EXOC1: variants seen among roughly 807,000 people sequenced by gnomAD.
The protein encoded by EXOC1 is exocyst complex component 1.
Under a neutral mutation model 107.7 loss-of-function variants are expected in EXOC1, and 67 were observed. The ratio of observed to expected loss-of-function variants is 0.62; its 90% CI spans 0.51 to 0.76. The LOEUF is 0.76. EXOC1 is among the 30% of genes least tolerant of loss of function. The pLI, the probability that EXOC1 is intolerant of heterozygous loss-of-function variation, is 0.00. For missense variants in EXOC1, 833 were observed against 1,055.7 expected, an observed-to-expected ratio of 0.79 and a Z score of 2.92; for synonymous variants, 348 against 353.5, an observed-to-expected ratio of 0.98 and a Z score of 0.17.
In EXOC1 at chr4:55,888,885, C is replaced by T. The variant is rs1724186853; in HGVS notation, c.1331-3C>T. ...TTGATGCTTGCAACCTAATCCATCA[C>T]AGCTACACTGCCTCGAAAAGAAAGT... is the stretch of plus-strand genomic sequence containing the variant. On this transcript the variant is annotated splice_polypyrimidine_tract_variant and splice_region_variant and intron_variant, in intron 10 of 18. Transcript: ENST00000381295. 2 of 1,613,524 alleles carry T rather than the reference C, an allele frequency of 1.2e-6. No homozygotes were observed. Among genetic ancestry groups the T allele is most frequent in the Non-Finnish European group, 1.7e-6 (2 of 1,179,728 alleles).
At chr4:55,888,835 G>T (rs1724181806) in intron 10 of EXOC1, 53 bp from the exon 11 acceptor site, 3 of 1,589,796 alleles carry the variant, frequency 1.9e-6, no homozygotes, top group Non-Finnish European at 2.6e-6. Context: ...TGTGCAAATT[G>T]CAGTTTATTA....
chr4:55,857,174 T>TC, intron 1 of EXOC1, among the ~76,000 whole-genome samples: 1 of 111,476 alleles, frequency 9.0e-6, no homozygotes, highest in Non-Finnish European at 1.8e-5. Context: ...TTTTCTTTTT[T>TC]TTTTTTTTTT....
intron 2 of EXOC1, 80 bp from the exon 3 acceptor site, chr4:55,860,331 A>G (rs952443155): frequency 1.3e-6 from 2 of 1,568,130 alleles, no homozygotes; most frequent in Non-Finnish European, 1.7e-6. Context: ...AGGCACCTGA[A>G]AGCTATACTT....
At chr4:55,861,130 T>C (rs1038858468) in intron 3 of EXOC1, among the ~76,000 whole-genome samples, 1 of 152,160 alleles carries the variant, frequency 6.6e-6, no homozygotes, top group Non-Finnish European at 1.5e-5. Flanking sequence ...TCCTGACAGT[T>C]CAAAGCTTTC....
At chr4:55,888,248 C>A (rs955776891) in intron 10 of EXOC1, among the ~76,000 whole-genome samples, 1 of 152,106 alleles carries the variant, frequency 6.6e-6, no homozygotes, top group African/African-American at 2.4e-5. Context: ...TACATCTGTT[C>A]CCTAAACTTT....
At chr4:55,877,168 A>C (rs1722975850) in intron 8 of EXOC1, 1 of 979,528 alleles carries the variant, frequency 1.0e-6, no homozygotes, top group African/African-American at 1.7e-5. Context: ...TGTACCAACT[A>C]GTATGATACA....
intron 1 of EXOC1, among the ~76,000 whole-genome samples, chr4:55,856,170 A>G (rs1577681756): frequency 6.6e-6 from 1 of 152,252 alleles, no homozygotes; most frequent in Non-Finnish European, 1.5e-5. Context: ...AATGCACGCA[A>G]TGAGCGTGGA....
intron 1 of EXOC1, among the ~76,000 whole-genome samples, chr4:55,855,646 C>T (rs1046742686): frequency 2.0e-5 from 3 of 151,990 alleles, no homozygotes; most frequent in African/African-American, 7.3e-5. Context: ...TTGCGTGGGG[C>T]GGCTGCAGGG....
chr4:55,902,043 G>A (rs1052574997), intron 17 of EXOC1: 2 of 180,384 alleles, frequency 1.1e-5, no homozygotes, highest in Non-Finnish European at 2.3e-5. Flanking sequence ...TTCAGTCATT[G>A]TGTGAAATAT....
chr4:55,868,329 C>T lies in EXOC1; in HGVS notation c.416-7C>T. On this transcript the variant is annotated splice_polypyrimidine_tract_variant and splice_region_variant and intron_variant, in intron 4 of 18. Coordinates refer to ENST00000381295, the MANE Select transcript of EXOC1 (RefSeq NM_001024924.2). ...ACTATTTTACTTTGAATTTTTACCT[C>T]TTTAAGAATCTGTTCCAAGTGGAGA... 6.2e-7 allele frequency: 1 copy of T among 1,602,046 alleles called. No homozygotes were observed. Among genetic ancestry groups the T allele is most frequent in the South Asian group, 1.1e-5 (1 of 89,822 alleles).
At position 55,893,551 on chromosome 4, in the gene EXOC1, GGAAAGATATGATCCGCCA is replaced by G; in HGVS notation, c.1725_1742del (p.Lys576_Gln581del). On this transcript the variant is annotated inframe_deletion and splice_region_variant, in exon 15 of 19. Transcript: ENST00000381295. The stretch of plus-strand genomic sequence containing the variant: ...ATACTTCTTGTCTGTTTTCTGAACA[GGAAAGATATGATCCGCCA>G]AATGATGATTAAAATATTTCGCTGC... The G allele has an allele frequency of 6.2e-7, 1 of 1,612,066 alleles. No homozygotes were observed. The highest frequency in any genetic ancestry group is 8.5e-7 in the Non-Finnish European group (1 of 1,179,666).
In EXOC1 at chr4:55,896,762, A is replaced by C. The variant is rs1478114827; in HGVS notation, c.1999A>C (p.Ser667Arg). 6.2e-7 allele frequency: 1 copy of C among 1,610,476 alleles called. No individual in the cohort carries two copies. Among genetic ancestry groups the C allele is most frequent in the Non-Finnish European group, 8.5e-7 (1 of 1,179,138 alleles). Reference sequence around the variant, plus strand: ...GGAAGAAGTAAAGATCTCAAAAAAGAGTAAAGTTGGAATTCTTCCATTTGT... The same window carrying C: ...GGAAGAAGTAAAGATCTCAAAAAAGCGTAAAGTTGGAATTCTTCCATTTGT... The part of the protein sequence containing the change: ...QMEEVKISKK[S>R]KVGILPFVAE... The change falls in exon 16 of 19, where the codon AGT becomes CGT. Residue 667 changes from serine (S) to arginine (R), a missense_variant. This residue lies in a region of EXOC1 where 216 missense variants were observed against 354.4 expected (regional missense o/e 0.61). Transcript: ENST00000381295.
At chr4:55,899,654 T>A in intron 16 of EXOC1, 31 bp from the exon 17 acceptor site, 1 of 1,574,252 alleles carries the variant, frequency 6.4e-7, no homozygotes, top group Non-Finnish European at 8.7e-7. Context: ...TACTCAGAGA[T>A]GTTATTTTAT....
intron 2 of EXOC1, 101 bp from the exon 3 acceptor site, chr4:55,860,310 T>C: frequency 7.0e-7 from 1 of 1,435,900 alleles, no homozygotes; most frequent in Non-Finnish European, 9.5e-7. Flanking sequence ...CCTCTTTTAG[T>C]ATCAGCTACT....
chr4:55,894,097 G>A (rs1724903650), intron 15 of EXOC1, among the ~76,000 whole-genome samples: 1 of 152,050 alleles, frequency 6.6e-6, no homozygotes, highest in Non-Finnish European at 1.5e-5. Context: ...GGCCGAGGTG[G>A]GCAGATCACC....
rs1193209788 is a variant in EXOC1, at chr4:55,890,345, G to A, written c.1498G>A (p.Ala500Thr). The change falls in exon 12 of 19, where the codon GCC becomes ACC. Residue 500 changes from alanine to threonine, a missense_variant. Physicochemically the swap from Ala to Thr is moderately conservative, Grantham distance 58. Coordinates refer to ENST00000381295, the MANE Select transcript of EXOC1 (RefSeq NM_001024924.2). ...SSLLDMGNMS[A>T]SDLDVADRTK... ...CCTGTTGGATATGGGAAACATGTCTGCCTCTGATCTCGATGTTGCTGACAG... is the reference window on the plus strand; with the variant it reads ...CCTGTTGGATATGGGAAACATGTCTACCTCTGATCTCGATGTTGCTGACAG... 6.2e-7 allele frequency: 1 copy of A among 1,614,052 alleles called. No homozygotes were observed. Among genetic ancestry groups the A allele is most frequent in the Admixed American group, 1.7e-5 (1 of 60,010 alleles).
At chr4:55,860,899 A>G (rs979574773) in intron 3 of EXOC1, among the ~76,000 whole-genome samples, 2 of 151,546 alleles carry the variant, frequency 1.3e-5, no homozygotes, top group African/African-American at 4.9e-5. Context: ...ACATAGAATC[A>G]CCAGCTGGGG....
intron 2 of EXOC1, 27 bp downstream of exon 2, chr4:55,858,474 T>G: frequency 1.9e-6 from 3 of 1,551,482 alleles, no homozygotes; most frequent in Non-Finnish European, 2.6e-6. Flanking sequence ...AAAGAGTACT[T>G]GTTTTGTATC....
At chr4:55,886,247 A>G (rs565230225) in intron 10 of EXOC1, among the ~76,000 whole-genome samples, 2 of 152,200 alleles carry the variant, frequency 1.3e-5, no homozygotes, top group African/African-American at 4.8e-5. Context: ...TCAACGTGTA[A>G]TGGGTTTATC....
Sources: gnomAD v4.1 joint callset for allele counts (sites outside exome capture counted in the v4.1 genomes callset) on GRCh38, gnomAD v4.1.1 for gene constraint, gnomAD v4.1.1 regional missense constraint, MANE v1.5 for transcripts, NCBI Gene and HGNC (gene_info 2026-07-23, HGNC 2026-07-21) for gene names.